Variants in TTC39B observed in about 807,000 individuals in gnomAD.
TTC39B encodes tetratricopeptide repeat protein 39B.
In TTC39B, 92 loss-of-function variants were observed where a neutral mutation model predicts 96.6. The observed-to-expected ratio is 0.95, with a 90% CI of 0.80 to 1.13. The LOEUF is 1.13. Ranked by LOEUF, TTC39B falls within the 50% of genes most tolerant of loss-of-function variation. TTC39B has a pLI of 0.00. For synonymous variants in TTC39B, 367 were observed against 299.4 expected (o/e 1.23, Z -2.33); for missense variants, 955 against 809.3 (o/e 1.18, Z -2.18).
chr9:15,300,985 G>A (rs1027861967), intron 1 of TTC39B, among the ~76,000 whole-genome samples: 4 of 147,292 alleles, frequency 2.7e-5, no homozygotes, highest in Non-Finnish European at 6.0e-5. Flanking sequence ...AGGACACAAT[G>A]ACTCACGACC....
chr9:15,244,928 G>T (rs1203343572), intron 2 of TTC39B, among the ~76,000 whole-genome samples: 1 of 149,984 alleles, frequency 6.7e-6, no homozygotes, highest in Non-Finnish European at 1.5e-5. Flanking sequence ...TTTGCCTCAT[G>T]ATCCATGGAG....
chr9:15,301,827 C>T (rs367779711), intron 1 of TTC39B, among the ~76,000 whole-genome samples: 1 of 151,828 alleles, frequency 6.6e-6, no homozygotes, highest in East Asian at 1.9e-4. Flanking sequence ...ATCTAAACTT[C>T]CAAAGAGAAA....
intron 2 of TTC39B, among the ~76,000 whole-genome samples, chr9:15,244,075 T>C (rs1223421560): frequency 6.6e-6 from 1 of 152,188 alleles, no homozygotes; most frequent in Non-Finnish European, 1.5e-5. Context: ...TCAAATTCTT[T>C]CCTTAGGCAA....
chr9:15,288,351 T>C (rs1420932968), intron 1 of TTC39B, among the ~76,000 whole-genome samples: 2 of 152,026 alleles, frequency 1.3e-5, no homozygotes, highest in East Asian at 1.9e-4. Context: ...CCTGTACCCA[T>C]ATAAACGCCA....
chr9:15,229,093 C>T (rs1355731835), intron 2 of TTC39B, among the ~76,000 whole-genome samples: 1 of 152,138 alleles, frequency 6.6e-6, no homozygotes, highest in Non-Finnish European at 1.5e-5. Context: ...AAAGTACTGT[C>T]TAGTGTTTTA....
intron 1 of TTC39B, among the ~76,000 whole-genome samples, chr9:15,286,979 G>T (rs544689274): frequency 2.6e-5 from 4 of 152,138 alleles, no homozygotes; most frequent in Non-Finnish European, 5.9e-5. Context: ...CTTATTATGA[G>T]AATTCTGTTT....
intron 8 of TTC39B, among the ~76,000 whole-genome samples, chr9:15,199,156 A>G (rs940194092): frequency 1.3e-5 from 2 of 152,358 alleles, no homozygotes; most frequent in South Asian, 4.1e-4. Context: ...ATCAATAAGG[A>G]TATGAACAAC....
chr9:15,193,259 A>C (rs1818964031), intron 8 of TTC39B, among the ~76,000 whole-genome samples: 1 of 152,198 alleles, frequency 6.6e-6, no homozygotes, highest in Non-Finnish European at 1.5e-5. Flanking sequence ...CCAACTTCTC[A>C]CTTTACTTTC....
intron 1 of TTC39B, among the ~76,000 whole-genome samples, chr9:15,297,016 G>C (rs1234990889): frequency 7.2e-6 from 1 of 139,204 alleles, no homozygotes; most frequent in Admixed American, 6.9e-5. Context: ...AAAGAAAAAA[G>C]AAAAGCCAAA....
At chr9:15,293,160 T>C (rs1824248934) in intron 1 of TTC39B, among the ~76,000 whole-genome samples, 1 of 152,194 alleles carries the variant, frequency 6.6e-6, no homozygotes, top group South Asian at 2.1e-4. Flanking sequence ...TGTGTTATAA[T>C]GGCCTACAGT....
intron 1 of TTC39B, among the ~76,000 whole-genome samples, chr9:15,276,160 T>C (rs1422259605): frequency 6.6e-6 from 1 of 152,174 alleles, no homozygotes; most frequent in Non-Finnish European, 1.5e-5. Context: ...TAAAAGTCCT[T>C]TGGATTTGGC....
intron 1 of TTC39B, among the ~76,000 whole-genome samples, chr9:15,278,404 T>C (rs1043358006): frequency 6.6e-6 from 1 of 152,352 alleles, no homozygotes; most frequent in Middle Eastern, 3.4e-3. Flanking sequence ...AAATTTAACA[T>C]AAATGAGCAA....
chr9:15,271,000 T>G (rs1823330068), intron 1 of TTC39B, among the ~76,000 whole-genome samples: 1 of 152,208 alleles, frequency 6.6e-6, no homozygotes, highest in Admixed American at 6.5e-5. Flanking sequence ...TACAGCAAGT[T>G]AAGCCAGTTG....
At chr9:15,177,043 A>T (rs35067557) in intron 18 of TTC39B, among the ~76,000 whole-genome samples, 12,895 of 152,306 alleles carry the variant, frequency 0.085, 594 homozygotes, top group Non-Finnish European at 0.12. Flanking sequence ...TTACTGCCAA[A>T]TTATTATCAC....
At chr9:15,194,581 A>C (rs1586843128) in intron 8 of TTC39B, among the ~76,000 whole-genome samples, 1 of 152,174 alleles carries the variant, frequency 6.6e-6, no homozygotes, top group Admixed American at 6.5e-5. Flanking sequence ...TGCATTTTTT[A>C]CAAATTGAAG....
Position 15,167,002 on chromosome 9 carries a change from A to ATTTTTTTTT in TTC39B, c.*5016_*5017insAAAAAAAAA, listed in dbSNP as rs1564299733. The ATTTTTTTTT allele has an allele frequency of 3.9e-4, 2 of 5,192 alleles. 1 individual carries two copies. Among genetic ancestry groups the ATTTTTTTTT allele is most frequent in the African/African-American group, 1.8e-3 (2 of 1,096 alleles). The allele number at this position is 5,192 out of a possible 1,614,324, so 0.3% of individuals were successfully genotyped here. Reference sequence around the variant, plus strand: ...TTATTTTATATATATATATATATATATATATATATATATATATATATATAT... The same window carrying ATTTTTTTTT: ...TTATTTTATATATATATATATATATATTTTTTTTTTATATATATATATATATATATATAT... On this transcript the variant is annotated 3_prime_UTR_variant, in exon 20 of 20. Coordinates refer to ENST00000512701, the Ensembl canonical transcript of TTC39B.
intron 2 of TTC39B, among the ~76,000 whole-genome samples, chr9:15,252,300 T>C (rs766117973): frequency 6.6e-6 from 1 of 152,240 alleles, no homozygotes; most frequent in Non-Finnish European, 1.5e-5. Flanking sequence ...GAATAATTGA[T>C]GTAATGTGTA....
At chr9:15,236,169 T>C (rs910300453) in intron 2 of TTC39B, among the ~76,000 whole-genome samples, 3 of 152,146 alleles carry the variant, frequency 2.0e-5, no homozygotes, top group African/African-American at 7.2e-5. Flanking sequence ...GGAGTGACTA[T>C]TCTCATATCA....
intron 2 of TTC39B, among the ~76,000 whole-genome samples, chr9:15,252,155 T>G (rs1338034591): frequency 1.3e-5 from 2 of 152,204 alleles, no homozygotes; most frequent in Non-Finnish European, 2.9e-5. Context: ...TGCAAAATTA[T>G]TAGTAAAGTA....
Sources: gnomAD v4.1 joint callset for allele counts (sites outside exome capture counted in the v4.1 genomes callset) on GRCh38, gnomAD v4.1.1 for gene constraint, MANE v1.5 for transcripts, NCBI Gene and HGNC (gene_info 2026-07-23, HGNC 2026-07-21) for gene names.